Variants in ESF1 observed in about 807,000 individuals in gnomAD.
The protein encoded by ESF1 is ESF1 homolog.
In ESF1, 58 loss-of-function variants were observed where a neutral mutation model predicts 92.0. The observed-to-expected ratio is 0.63, with a 90% CI of 0.51 to 0.78. The LOEUF is 0.78. Ranked by LOEUF, ESF1 falls within the 30% of genes least tolerant of loss-of-function variation. ESF1 has a pLI of 0.00. For synonymous variants in ESF1, 321 were observed against 313.7 expected, an observed-to-expected ratio of 1.02 and a Z score of -0.24; for missense variants, 922 against 989.1, an observed-to-expected ratio of 0.93 and a Z score of 0.91.
chr20:13,728,407 G>A lies in ESF1; in HGVS notation c.2009C>T (p.Pro670Leu). The A allele has an allele frequency of 6.2e-7, 1 of 1,612,948 alleles. No individual in the cohort carries two copies. Among genetic ancestry groups the A allele is most frequent in the Non-Finnish European group, 8.5e-7 (1 of 1,179,426 alleles). Reference sequence around the variant, plus strand: ...TTGTTTAACTTCTTCAGCAAAGTATGGGTCATTCAAATCAACATCAGAGGG... The same window carrying A: ...TTGTTTAACTTCTTCAGCAAAGTATAGGTCATTCAAATCAACATCAGAGGG... Reference protein sequence around the residue: ...ELPSDVDLNDPYFAEEVKQIG... With the variant: ...ELPSDVDLNDLYFAEEVKQIG... Residue 670 changes from proline to leucine, a missense_variant, in exon 11 of 14, where the codon CCA (proline) becomes CTA (leucine). By Grantham distance (98) the Pro-to-Leu change is moderately conservative. Coordinates refer to ENST00000617257, the MANE Select transcript of ESF1 (RefSeq NM_001276380.2).
At position 13,714,710 on chromosome 20, in the gene ESF1, C is replaced by T; in HGVS notation, c.*164G>A. ...ATACAATAAAAATTTGTCAGTCATC[C>T]ACAATTAAGTACAATTATTTATGGA... On this transcript the variant is annotated 3_prime_UTR_variant, in exon 14 of 14. Coordinates refer to ENST00000617257, the MANE Select transcript of ESF1 (RefSeq NM_001276380.2). 3.2e-6 allele frequency: 2 copies of T among 619,934 alleles called. No individual in the cohort carries two copies. Among genetic ancestry groups the T allele is most frequent in the Non-Finnish European group, 2.6e-6 (1 of 378,484 alleles). 38.4% of individuals were successfully genotyped at this position (619,934 alleles called of 1,614,324 possible).
chr20:13,738,308 T>C (rs1329999849), intron 9 of ESF1, among the ~76,000 whole-genome samples: 1 of 118,984 alleles, frequency 8.4e-6, no homozygotes, highest in African/African-American at 3.1e-5. Context: ...TAAATCCCTC[T>C]CTCCTAAACT....
At chr20:13,744,376 G>A (rs1044938382) in intron 9 of ESF1, among the ~76,000 whole-genome samples, 4 of 152,154 alleles carry the variant, frequency 2.6e-5, no homozygotes, top group African/African-American at 9.7e-5. Flanking sequence ...TACATGAATA[G>A]ACATTCTACA....
chr20:13,731,303 G>A (rs567528496), intron 10 of ESF1, among the ~76,000 whole-genome samples: 29 of 152,088 alleles, frequency 1.9e-4, no homozygotes, highest in East Asian at 1.9e-4. Flanking sequence ...AGGCCGAGGC[G>A]GGAGGATCAT....
intron 1 of ESF1, among the ~76,000 whole-genome samples, chr20:13,784,515 A>G (rs1980545196): frequency 6.6e-6 from 1 of 152,114 alleles, no homozygotes; most frequent in South Asian, 2.1e-4. Flanking sequence ...TATATGTCAG[A>G]TAATCCGAGA....
chr20:13,733,933 G>A, intron 9 of ESF1, 91 bp from the exon 10 acceptor site: 3 of 1,376,968 alleles, frequency 2.2e-6, no homozygotes, highest in Non-Finnish European at 2.9e-6. Flanking sequence ...TATAATTTAT[G>A]CATATTTAAT....
At chr20:13,783,632 G>C (rs1980387038) in intron 1 of ESF1, among the ~76,000 whole-genome samples, 1 of 152,164 alleles carries the variant, frequency 6.6e-6, no homozygotes, top group Admixed American at 6.5e-5. Context: ...ACCAGCCTGG[G>C]TAACATGGTG....
intron 9 of ESF1, among the ~76,000 whole-genome samples, chr20:13,745,362 T>C (rs1162214342): frequency 6.6e-6 from 1 of 152,252 alleles, no homozygotes; most frequent in Non-Finnish European, 1.5e-5. Flanking sequence ...TGTGATAAGT[T>C]ATACAATGGA....
At chr20:13,777,574 A>T (rs1980001521) in intron 2 of ESF1, among the ~76,000 whole-genome samples, 1 of 152,196 alleles carries the variant, frequency 6.6e-6, no homozygotes, top group Non-Finnish European at 1.5e-5. Context: ...ATCACCTATA[A>T]AGACAGAGAA....
chr20:13,721,554 CAGG>C (rs927775680), intron 11 of ESF1, among the ~76,000 whole-genome samples: 3 of 152,114 alleles, frequency 2.0e-5, no homozygotes, highest in African/African-American at 4.8e-5. Context: ...AAGGGTGTGG[CAGG>C]AGAAGGGAAT....
intron 11 of ESF1, among the ~76,000 whole-genome samples, chr20:13,722,617 A>G (rs942464442): frequency 1.3e-5 from 2 of 152,132 alleles, no homozygotes; most frequent in African/African-American, 4.8e-5. Flanking sequence ...TGGAAGGCTG[A>G]AGGAGGAAGA....
chr20:13,757,136 A>G (rs1166218327), intron 9 of ESF1, among the ~76,000 whole-genome samples: 1 of 152,172 alleles, frequency 6.6e-6, no homozygotes, highest in Non-Finnish European at 1.5e-5. Flanking sequence ...TTCATTTTAC[A>G]TTTTCACTTC....
chr20:13,730,606 G>T (rs1009540657), intron 10 of ESF1, among the ~76,000 whole-genome samples: 17 of 151,332 alleles, frequency 1.1e-4, no homozygotes, highest in Non-Finnish European at 2.2e-4. Context: ...GGATGGTCTT[G>T]ATCTCCTGAC....
At chr20:13,741,900 G>A (rs955056891) in intron 9 of ESF1, among the ~76,000 whole-genome samples, 10 of 152,116 alleles carry the variant, frequency 6.6e-5, no homozygotes, top group Non-Finnish European at 1.0e-4. Context: ...TAAATAAAGA[G>A]CTGCTAAAAG....
At chr20:13,743,873 A>G (rs2050031158) in intron 9 of ESF1, among the ~76,000 whole-genome samples, 1 of 152,234 alleles carries the variant, frequency 6.6e-6, no homozygotes. Flanking sequence ...AAATCATCAC[A>G]CTGTATAGCT....
intron 9 of ESF1, among the ~76,000 whole-genome samples, chr20:13,757,547 T>C (rs73256786): frequency 0.085 from 12,969 of 152,144 alleles, 1,247 homozygotes; most frequent in African/African-American, 0.24. Flanking sequence ...TACAGGCGTG[T>C]GCCACCATGC....
In ESF1 at chr20:13,760,207, T is replaced by C. The variant is rs148078119; in HGVS notation, c.1667-354A>G. Among the ~76,000 whole-genome samples the C allele has an allele frequency of 6.8e-3, 981 of 144,412 alleles. 16 individuals are homozygous for C. Among genetic ancestry groups the C allele is most frequent in the African/African-American group, 0.024 (924 of 39,140 alleles). The allele number at this position is 144,412 out of a possible 152,430, so 94.7% of individuals were successfully genotyped here. Reference sequence around the variant, plus strand: ...CTGGGAAGTGAGGAGCGTCTCTGCCTGGCCGCCCATCGTCTGGGATGTGAG... The same window carrying C: ...CTGGGAAGTGAGGAGCGTCTCTGCCCGGCCGCCCATCGTCTGGGATGTGAG... On this transcript the variant is annotated intron_variant, in intron 8 of 13. Coordinates refer to ENST00000617257, the MANE Select transcript of ESF1 (RefSeq NM_001276380.2).
At chr20:13,769,594 T>A (rs1979587025) in intron 7 of ESF1, among the ~76,000 whole-genome samples, 1 of 152,180 alleles carries the variant, frequency 6.6e-6, no homozygotes, top group Admixed American at 6.5e-5. Context: ...AAGACCAGCC[T>A]GGTCAACATA....
intron 9 of ESF1, among the ~76,000 whole-genome samples, chr20:13,748,489 TATATATAC>T (rs1467271401): frequency 7.4e-6 from 1 of 134,238 alleles, no homozygotes; most frequent in Non-Finnish European, 1.6e-5. Flanking sequence ...CATATACACA[TATATATAC>T]ATATATACAC....
Sources: gnomAD v4.1 joint callset for allele counts (sites outside exome capture counted in the v4.1 genomes callset) on GRCh38, gnomAD v4.1.1 for gene constraint, MANE v1.5 for transcripts, NCBI Gene and HGNC (gene_info 2026-07-23, HGNC 2026-07-21) for gene names.